Variants in AOPEP observed in about 807,000 individuals in gnomAD.
The protein encoded by AOPEP is aminopeptidase O.
A neutral mutation model predicts 98.1 loss-of-function variants in AOPEP; 77 were observed. The observed-to-expected ratio is 0.78, with a 90% confidence interval of 0.65 to 0.95. The LOEUF (loss-of-function observed/expected upper bound fraction) is 0.95, where lower values mean the gene tolerates loss of function less well. Among genes scored for constraint, AOPEP ranks in the 40% least tolerant of loss-of-function variants. The probability of loss-of-function intolerance (pLI) is 0.00; values close to 1 mark genes in which losing one functional copy is unlikely to be tolerated. For synonymous variants in AOPEP, 346 were observed against 365.3 expected (o/e 0.95, Z 0.60); for missense variants, 1,024 against 1,024.7 (o/e 1.00, Z 0.01).
At chr9:95,020,723 A>G (rs2063377059) in intron 13 of AOPEP, among the ~76,000 whole-genome samples, 1 of 151,834 alleles carries the variant, frequency 6.6e-6, no homozygotes, top group African/African-American at 2.4e-5. Context: ...TTCAAGACCA[A>G]CCTCGGCAAC....
At chr9:94,825,568 C>T (rs943518671) in intron 5 of AOPEP, among the ~76,000 whole-genome samples, 10 of 152,242 alleles carry the variant, frequency 6.6e-5, no homozygotes, top group Non-Finnish European at 1.3e-4. Context: ...CCTCCCTAGG[C>T]GCTGTCACTT....
chr9:94,947,413 G>C (rs1002285158), intron 7 of AOPEP, among the ~76,000 whole-genome samples: 1 of 152,140 alleles, frequency 6.6e-6, no homozygotes, highest in Non-Finnish European at 1.5e-5. Context: ...GAGTAGCTGG[G>C]ACTACAGGCG....
At chr9:94,728,177 C>A (rs1829650917) in intron 1 of AOPEP, among the ~76,000 whole-genome samples, 1 of 151,748 alleles carries the variant, frequency 6.6e-6, no homozygotes, top group African/African-American at 2.4e-5. Flanking sequence ...GTTAAGTTCC[C>A]ATATTCCTGG....
chr9:94,757,884 T>C (rs1490739694), intron 1 of AOPEP, among the ~76,000 whole-genome samples: 1 of 152,174 alleles, frequency 6.6e-6, no homozygotes, highest in Non-Finnish European at 1.5e-5. Flanking sequence ...TCTGATTACA[T>C]AGAAATAGCC....
chr9:94,929,584 G>C (rs1253656767), intron 7 of AOPEP, among the ~76,000 whole-genome samples: 1 of 152,266 alleles, frequency 6.6e-6, no homozygotes, highest in Non-Finnish European at 1.5e-5. Context: ...CTAGCGGAGG[G>C]AAGTGGAGCG....
At chr9:94,873,117 GA>G (rs149738938) in intron 5 of AOPEP, among the ~76,000 whole-genome samples, 1,673 of 151,332 alleles carry the variant, frequency 0.011, 34 homozygotes, top group African/African-American at 0.039. Flanking sequence ...GATATGAGGG[GA>G]AAAAAAACAG....
At chr9:94,736,788 A>G (rs1341490458) in intron 1 of AOPEP, among the ~76,000 whole-genome samples, 3 of 148,920 alleles carry the variant, frequency 2.0e-5, no homozygotes, top group African/African-American at 7.6e-5. Flanking sequence ...TCCTTTTTGC[A>G]TCTGCTCTCC....
At chr9:94,910,588 G>T (rs1210028065) in intron 5 of AOPEP, among the ~76,000 whole-genome samples, 2 of 152,216 alleles carry the variant, frequency 1.3e-5, no homozygotes, top group African/African-American at 4.8e-5. Context: ...CACACTGAGT[G>T]GGCAAAGGAC....
At chr9:95,114,618 T>C in the AOPEP span, 1 of 1,611,380 alleles carries the variant, frequency 6.2e-7, no homozygotes. Flanking sequence ...GAGTGGTCAG[T>C]GTTTGCTCAC....
chr9:94,946,851 A>C (rs1211013932), intron 7 of AOPEP, among the ~76,000 whole-genome samples: 1 of 152,100 alleles, frequency 6.6e-6, no homozygotes, highest in Non-Finnish European at 1.5e-5. Flanking sequence ...TTGAGGCGCC[A>C]CCCATGAAGC....
chr9:94,874,005 A>G (rs1434731421), intron 5 of AOPEP, among the ~76,000 whole-genome samples: 3 of 152,342 alleles, frequency 2.0e-5, no homozygotes, highest in Middle Eastern at 3.4e-3. Flanking sequence ...ACAAAAAAGG[A>G]AGAATGATAG....
chr9:95,004,856 C>G (rs938297891), intron 11 of AOPEP: 1 of 147,132 alleles, frequency 6.8e-6, no homozygotes, highest in African/African-American at 2.5e-5. Context: ...ACAATGCCGG[C>G]GCGGGCGGGA....
intron 5 of AOPEP, among the ~76,000 whole-genome samples, chr9:94,802,405 C>G (rs866298982): frequency 6.6e-6 from 1 of 152,164 alleles, no homozygotes; most frequent in South Asian, 2.1e-4. Context: ...ATTTTTCATG[C>G]ACAGGATTCT....
intron 13 of AOPEP, among the ~76,000 whole-genome samples, chr9:95,017,736 C>G (rs530179799): frequency 5.3e-5 from 8 of 152,316 alleles, no homozygotes; most frequent in Admixed American, 3.9e-4. Context: ...GTACCTGATA[C>G]GACAGTCCAG....
intron 11 of AOPEP, among the ~76,000 whole-genome samples, chr9:94,986,639 T>G (rs113076730): frequency 0.012 from 1,786 of 152,254 alleles, 33 homozygotes; most frequent in African/African-American, 0.04. Flanking sequence ...GAAATAAATG[T>G]GGGAAGGGTC....
At chr9:94,838,246 T>G (rs1187816020) in intron 5 of AOPEP, among the ~76,000 whole-genome samples, 1 of 152,204 alleles carries the variant, frequency 6.6e-6, no homozygotes, top group Non-Finnish European at 1.5e-5. Flanking sequence ...CCTGACCTTG[T>G]GATCTGCCTG....
Position 94,972,324 on chromosome 9 carries a change from T to C in AOPEP, c.1916+4523T>C, listed in dbSNP as rs1023186727. ...GCAGAGGGAGTGAAAGGGACGAGCG[T>C]TGGAAGGCAGAAAGATGCTGTCAGG... On this transcript the variant is annotated intron_variant, in intron 10 of 16. Coordinates refer to ENST00000375315, the MANE Select transcript of AOPEP (RefSeq NM_001193329.3). This position sits in a 1 kb window ranked among gnomAD's most constrained non-coding sequence, Gnocchi z 4.2. Among the ~76,000 whole-genome samples, 2 of 152,058 alleles carry C rather than the reference T, an allele frequency of 1.3e-5. No homozygotes were observed. Among genetic ancestry groups the C allele is most frequent in the Admixed American group, 6.6e-5 (1 of 15,254 alleles).
intron 5 of AOPEP, among the ~76,000 whole-genome samples, chr9:94,886,309 C>T (rs1484084358): frequency 1.3e-5 from 2 of 152,138 alleles, no homozygotes; most frequent in Admixed American, 1.3e-4. Flanking sequence ...ATTCCTGAGA[C>T]GTCCATAAGC....
chr9:95,053,812 A>G (rs1307122075), intron 13 of AOPEP, among the ~76,000 whole-genome samples: 2 of 152,148 alleles, frequency 1.3e-5, no homozygotes, highest in Non-Finnish European at 2.9e-5. Flanking sequence ...CTCCAACTCC[A>G]GGGCTCAGAT....
Sources: allele counts gnomAD v4.1 joint callset (sites outside exome capture counted in the v4.1 genomes callset), GRCh38; gene constraint gnomAD v4.1.1; non-coding constraint Gnocchi (gnomAD v3.1); transcripts MANE v1.5; gene names NCBI Gene and HGNC (gene_info 2026-07-23, HGNC 2026-07-21).